Variants in EAF2 observed in about 807,000 individuals in gnomAD.
EAF2 encodes ELL-associated factor 2.
EAF2 carries 29 observed loss-of-function variants against 29.4 expected under a neutral mutation model. The observed-to-expected ratio is 0.99, with a 90% CI of 0.73 to 1.35. EAF2 has a LOEUF of 1.35. EAF2 is among the 40% of genes most tolerant of loss of function. EAF2 has a pLI of 0.00. For missense variants in EAF2, 292 were observed against 312.0 expected (o/e 0.94, Z 0.48); for synonymous variants, 103 against 102.5 (o/e 1.00, Z -0.03).
chr3:121,844,633 G>A, intron 2 of EAF2, 86 bp downstream of exon 2: 1 of 895,766 alleles, frequency 1.1e-6, no homozygotes, highest in Non-Finnish European at 1.7e-6. Context: ...TTTGTGTAGT[G>A]ATAATTGGTT....
chr3:121,858,235 G>T (rs1388087838), intron 4 of EAF2, among the ~76,000 whole-genome samples: 1 of 152,246 alleles, frequency 6.6e-6, no homozygotes, highest in Non-Finnish European at 1.5e-5. Context: ...GATCCTTGAG[G>T]AATCGCCACA....
At position 121,835,217 on chromosome 3, in the gene EAF2, C is replaced by A. The variant is rs912550168; in HGVS notation, c.-69C>A. On this transcript the variant is annotated 5_prime_UTR_variant, in exon 1 of 6. It adds an upstream start codon to the 5' untranslated region. Transcript: ENST00000273668. ...ACTTGGCTGGCGGGATCAAGTGCAGCTGCTTCAGGCTGAGGTGGCAGATAG... is the reference window on the plus strand; with the variant it reads ...ACTTGGCTGGCGGGATCAAGTGCAGATGCTTCAGGCTGAGGTGGCAGATAG... 1.4e-6 allele frequency: 2 copies of A among 1,470,776 alleles called. No homozygotes were observed. The highest frequency in any genetic ancestry group is 9.5e-7 in the Non-Finnish European group (1 of 1,051,514). The allele number at this position is 1,470,776 out of a possible 1,614,324, so 91.1% of individuals were successfully genotyped here.
Position 121,846,258 on chromosome 3 carries a change from C to T in EAF2, c.201+1711C>T, listed in dbSNP as rs559263306. Among the ~76,000 whole-genome samples, 6 of 152,202 alleles carry T rather than the reference C, an allele frequency of 3.9e-5. No individual in the cohort carries two copies. The East Asian group carries it at 5.8e-4, about 15-fold the overall frequency. ...TATTATGTCAGACTGTGTCAGTTAC[C>T]GTCTCTGGAGATTTTCCTAAGGCTA... On this transcript the variant is annotated intron_variant, in intron 2 of 5. Coordinates refer to ENST00000273668, the MANE Select transcript of EAF2 (RefSeq NM_018456.6).
chr3:121,841,776 G>A (rs1708437656), intron 1 of EAF2, among the ~76,000 whole-genome samples: 1 of 151,588 alleles, frequency 6.6e-6, no homozygotes, highest in African/African-American at 2.4e-5. Context: ...TTGGGAAGTC[G>A]AGGCGGGCGG....
At chr3:121,883,155 T>TTAA (rs1709219226) in intron 5 of EAF2, among the ~76,000 whole-genome samples, 1 of 152,168 alleles carries the variant, frequency 6.6e-6, no homozygotes, top group Non-Finnish European at 1.5e-5. Flanking sequence ...ATGCATAGAT[T>TTAA]TGGATTTAAG....
rs965385052 is a variant in EAF2 at position 121,872,563 on chromosome 3, G to C, written c.511G>C (p.Asp171His). The change falls in exon 5 of 6, where the codon GAC becomes CAC. Residue 171 changes from aspartate to histidine, a missense_variant. Asp to His is a moderately conservative substitution (Grantham distance 81). Transcript: ENST00000273668. ...ACTGAAGGCAGAAGCTAGTCTAATGGACCAGATGAGTAGTTGTGATAGTTC... is the reference window on the plus strand; with the variant it reads ...ACTGAAGGCAGAAGCTAGTCTAATGCACCAGATGAGTAGTTGTGATAGTTC... The part of the protein sequence containing the change: ...RELKAEASLM[D>H]QMSSCDSSSD... 4.3e-6 allele frequency: 7 copies of C among 1,609,276 alleles called. No individual in the cohort carries two copies. Among genetic ancestry groups the C allele is most frequent in the Non-Finnish European group, 5.9e-6 (7 of 1,177,148 alleles).
rs536352133 is a variant in EAF2, at chr3:121,884,657, C to A, written c.737-1685C>A. On this transcript the variant is annotated intron_variant, in intron 5 of 5. Coordinates refer to ENST00000273668, the MANE Select transcript of EAF2 (RefSeq NM_018456.6). ...GGCCAGGATGGTCTCAATCTCTTGA[C>A]CTCATGATCCGCCCACCTCAGCCTC... 6.4e-4 allele frequency among the ~76,000 whole-genome samples: 97 copies of A among 152,070 alleles called. 1 individual carries two copies. The highest frequency in any genetic ancestry group is 2.2e-3 in the African/African-American group (93 of 41,530).
chr3:121,849,692 G>A (rs1336333027), intron 2 of EAF2, among the ~76,000 whole-genome samples: 1 of 151,976 alleles, frequency 6.6e-6, no homozygotes. Context: ...ACCCTCTTGG[G>A]CAAAGTCCCT....
At chr3:121,839,298 CAG>C (rs1219591284) in intron 1 of EAF2, among the ~76,000 whole-genome samples, 1 of 152,150 alleles carries the variant, frequency 6.6e-6, no homozygotes, top group African/African-American at 2.4e-5. Flanking sequence ...TTGGGTGGAG[CAG>C]AGTTATGAGA....
chr3:121,864,503 G>T (rs1708890114), intron 4 of EAF2, among the ~76,000 whole-genome samples: 1 of 152,098 alleles, frequency 6.6e-6, no homozygotes, highest in Non-Finnish European at 1.5e-5. Flanking sequence ...GGGAAGGGAA[G>T]GCAAATTTGC....
At chr3:121,845,129 C>T (rs1033420671) in intron 2 of EAF2, among the ~76,000 whole-genome samples, 11 of 152,054 alleles carry the variant, frequency 7.2e-5, no homozygotes, top group Non-Finnish European at 1.3e-4. Flanking sequence ...AGTGACTTTA[C>T]GTAGTAAATC....
At chr3:121,862,586 G>C (rs1419903266) in intron 4 of EAF2, among the ~76,000 whole-genome samples, 1 of 152,116 alleles carries the variant, frequency 6.6e-6, no homozygotes, top group Admixed American at 6.5e-5. Context: ...CTTTTTTCAA[G>C]GTTTTTAGCT....
intron 4 of EAF2, among the ~76,000 whole-genome samples, chr3:121,868,240 C>T (rs1462408948): frequency 6.6e-6 from 1 of 151,990 alleles, no homozygotes; most frequent in African/African-American, 2.4e-5. Flanking sequence ...AAATATATAC[C>T]ATTTAAACAT....
At chr3:121,855,222 T>G (rs1708699133) in intron 3 of EAF2, among the ~76,000 whole-genome samples, 1 of 152,198 alleles carries the variant, frequency 6.6e-6, no homozygotes, top group Non-Finnish European at 1.5e-5. Context: ...ACCTCAAAAC[T>G]TCTGCATTTT....
intron 4 of EAF2, among the ~76,000 whole-genome samples, chr3:121,869,024 CT>C (rs1459616085): frequency 1.3e-5 from 2 of 152,190 alleles, no homozygotes; most frequent in Non-Finnish European, 2.9e-5. Flanking sequence ...GACTATGTAT[CT>C]GACCATAATG....
chr3:121,847,702 G>A (rs1356751627), intron 2 of EAF2, among the ~76,000 whole-genome samples: 1 of 152,048 alleles, frequency 6.6e-6, no homozygotes, highest in Non-Finnish European at 1.5e-5. Flanking sequence ...TAGTTCAGAT[G>A]GTCTAACCAT....
In EAF2 at chr3:121,835,361, C is replaced by G. The variant is rs747327741; in HGVS notation, c.76C>G (p.Gln26Glu). The G allele has an allele frequency of 3.7e-5, 59 of 1,613,990 alleles. No homozygotes were observed. The highest frequency in any genetic ancestry group is 4.4e-5 in the Non-Finnish European group (52 of 1,179,968). ...CAAGTTAGGGGAGAGTTTCGAGAAGCAGCCGCGCTGCGCCTTCCACACTGT... is the reference window on the plus strand; with the variant it reads ...CAAGTTAGGGGAGAGTTTCGAGAAGGAGCCGCGCTGCGCCTTCCACACTGT... ...VLKLGESFEK[Q>E]PRCAFHTVRY... is the part of the protein sequence containing the mutation. The change falls in exon 1 of 6, where the codon CAG (glutamine) becomes GAG (glutamate). Residue 26 changes from glutamine (Q) to glutamate (E), a missense_variant. Gln to Glu is a conservative substitution (Grantham distance 29, BLOSUM62 2). Transcript: ENST00000273668.
chr3:121,843,323 T>TAGAA, intron 1 of EAF2, among the ~76,000 whole-genome samples: 1 of 152,300 alleles, frequency 6.6e-6, no homozygotes, highest in Middle Eastern at 3.4e-3. Context: ...TTCCCAAGGT[T>TAGAA]TTCTAATTAT....
At chr3:121,840,291 G>C (rs1199311247) in intron 1 of EAF2, among the ~76,000 whole-genome samples, 1 of 149,868 alleles carries the variant, frequency 6.7e-6, no homozygotes, top group South Asian at 2.1e-4. Flanking sequence ...AGGAGTTCCA[G>C]ACGAGCCTGA....
Sources: gnomAD v4.1 joint callset for allele counts (sites outside exome capture counted in the v4.1 genomes callset) on GRCh38, gnomAD v4.1.1 for gene constraint, MANE v1.5 for transcripts, NCBI Gene and HGNC (gene_info 2026-07-23, HGNC 2026-07-21) for gene names.